The following DGKI variants were observed in gnomAD, a reference collection of about 807,000 sequenced individuals.
DGKI encodes DAG kinase iota.
In DGKI, 55 loss-of-function variants were observed where a neutral mutation model predicts 147.5. That is an observed-to-expected ratio of 0.37 (90% CI 0.30 to 0.47). DGKI has a LOEUF of 0.47. Ranked by LOEUF, DGKI falls within the 20% of genes least tolerant of loss-of-function variation. The pLI, the probability that DGKI is intolerant of heterozygous loss-of-function variation, is 1.00. For missense variants in DGKI, 1,007 were observed against 1,323.8 expected (o/e 0.76, Z 3.71); for synonymous variants, 469 against 477.1 (o/e 0.98, Z 0.22).
intron 6 of DGKI, among the ~76,000 whole-genome samples, chr7:137,627,213 C>T (rs373644730): frequency 6.6e-6 from 1 of 152,112 alleles, no homozygotes; most frequent in South Asian, 2.1e-4. Flanking sequence ...CCAAAATAAC[C>T]TCAACTCACT....
In DGKI at chr7:137,465,915, C is replaced by A; in HGVS notation, c.2605G>T (p.Ala869Ser). The A allele has an allele frequency of 6.2e-7, 1 of 1,613,890 alleles. No homozygotes were observed. Among genetic ancestry groups the A allele is most frequent in the Non-Finnish European group, 8.5e-7 (1 of 1,179,900 alleles). The change falls in exon 26 of 33, where the codon GCC (alanine) becomes TCC (serine). Residue 869 changes from alanine to serine, a missense_variant. Ala to Ser is a moderately conservative substitution (Grantham distance 99). Coordinates refer to ENST00000614521, the MANE Select transcript of DGKI (RefSeq NM_001321708.2). ...PGMPDLVVEQ[A>S]SGISDWWNPA... ...CAGGAGAAGCACACTCACCCCGAGGCTTGTTCCACCACCAGGTCAGGCATG... is the reference window on the plus strand; with the variant it reads ...CAGGAGAAGCACACTCACCCCGAGGATTGTTCCACCACCAGGTCAGGCATG...
intron 1 of DGKI, among the ~76,000 whole-genome samples, chr7:137,693,297 C>T (rs932707977): frequency 6.6e-6 from 1 of 152,112 alleles, no homozygotes; most frequent in Admixed American, 6.5e-5. Context: ...TCAGAATCCT[C>T]TCAAGCCCAC....
At chr7:137,696,936 G>A (rs543971896) in intron 1 of DGKI, among the ~76,000 whole-genome samples, 1 of 152,242 alleles carries the variant, frequency 6.6e-6, no homozygotes, top group East Asian at 1.9e-4. Flanking sequence ...CACACACATA[G>A]GGAGAAAGCC....
chr7:137,675,514 G>A (rs935917488), intron 3 of DGKI, among the ~76,000 whole-genome samples: 23 of 151,748 alleles, frequency 1.5e-4, no homozygotes, highest in Non-Finnish European at 4.4e-5. Flanking sequence ...GTGAAACCCC[G>A]TCTCTACTAA....
chr7:137,485,508 A>C lies in DGKI; in HGVS notation c.2329-90T>G, dbSNP rs1034531070. On this transcript the variant is annotated intron_variant, in intron 22 of 32. Coordinates refer to ENST00000614521, the MANE Select transcript of DGKI (RefSeq NM_001321708.2). ...TCAATCTCAACTGAACTCCCAATTT[A>C]ATATTACTATGCTCATCTGGAAAGT... 4 of 949,482 alleles carry C rather than the reference A, an allele frequency of 4.2e-6. No homozygotes were observed. In the African/African-American group the frequency reaches 5.0e-5, roughly 12 times the overall value. The allele number at this position is 949,482 out of a possible 1,614,324, so 58.8% of individuals were successfully genotyped here. A position where few individuals can be genotyped will look rare whatever the true frequency, so the allele number is the denominator to read the frequency against.
At chr7:137,746,808 T>C (rs371876593) in intron 1 of DGKI, among the ~76,000 whole-genome samples, 2 of 152,094 alleles carry the variant, frequency 1.3e-5, no homozygotes, top group Non-Finnish European at 2.9e-5. Flanking sequence ...GACTTTAATA[T>C]GTTCTCATCA....
intron 6 of DGKI, among the ~76,000 whole-genome samples, chr7:137,641,312 C>T (rs544760716): frequency 2.6e-5 from 4 of 152,162 alleles, no homozygotes; most frequent in Admixed American, 2.6e-4. Context: ...ACGAAAACAG[C>T]CTAATACAGG....
chr7:137,422,019 A>T (rs751021406), intron 28 of DGKI, among the ~76,000 whole-genome samples: 44 of 152,358 alleles, frequency 2.9e-4, no homozygotes, highest in Non-Finnish European at 5.4e-4. Context: ...TGCATCTAGT[A>T]AACACAGCAA....
At chr7:137,779,239 C>T (rs1370905184) in intron 1 of DGKI, among the ~76,000 whole-genome samples, 1 of 151,770 alleles carries the variant, frequency 6.6e-6, no homozygotes, top group African/African-American at 2.4e-5. Context: ...ATAAAGCAAG[C>T]AATAATTTCA....
In DGKI at chr7:137,577,163, G is replaced by A. The variant is rs750146090; in HGVS notation, c.1761+59C>T. Reference sequence around the variant, plus strand: ...CAATATATAAACTAAGTATTTGGGAGTTTTTTGTGGCAGTCATATCATATT... The same window carrying A: ...CAATATATAAACTAAGTATTTGGGAATTTTTTGTGGCAGTCATATCATATT... On this transcript the variant is annotated intron_variant, in intron 17 of 32. Coordinates refer to ENST00000614521, the MANE Select transcript of DGKI (RefSeq NM_001321708.2). 9.9e-5 allele frequency: 124 copies of A among 1,256,666 alleles called. 2 individuals carry two copies. The highest frequency in any genetic ancestry group is 4.0e-4 in the Admixed American group (20 of 50,548). 77.8% of individuals were successfully genotyped at this position (1,256,666 alleles called of 1,614,324 possible).
At position 137,656,632 on chromosome 7, in the gene DGKI, C is replaced by T. The variant is rs1208816054; in HGVS notation, c.607-92G>A. 6.3e-6 allele frequency: 7 copies of T among 1,105,992 alleles called. 1 individual carries two copies. The highest frequency in any genetic ancestry group is 2.5e-4 in the Middle Eastern group (1 of 4,032). 68.5% of individuals were successfully genotyped at this position (1,105,992 alleles called of 1,614,324 possible). A position where few individuals can be genotyped will look rare whatever the true frequency, so the allele number is the denominator to read the frequency against. The stretch of plus-strand genomic sequence containing the variant: ...TTAAAGTGGGCATATATAATAAATA[C>T]ATAAATACAGCAAACATTGTAATTA... On this transcript the variant is annotated intron_variant, in intron 3 of 32. Transcript: ENST00000614521.
At chr7:137,567,571 C>A (rs1818631713) in intron 19 of DGKI, among the ~76,000 whole-genome samples, 1 of 152,038 alleles carries the variant, frequency 6.6e-6, no homozygotes, top group South Asian at 2.1e-4. Context: ...CCAGTTTCTT[C>A]AATAAATAAA....
In DGKI at chr7:137,621,887, C is replaced by T. The variant is rs374995280; in HGVS notation, c.876+1596G>A. Among the ~76,000 whole-genome samples the T allele has an allele frequency of 2.6e-4, 39 of 152,322 alleles. 2 individuals are homozygous for T. In the South Asian group the frequency reaches 6.6e-3, roughly 26 times the overall value. On this transcript the variant is annotated intron_variant, in intron 7 of 32. Transcript: ENST00000614521. ...TCTGAGCACACCGCTGCCCAGAAGG[C>T]TGCCCCACCAGTGGGGTCTCACCAG...
At chr7:137,810,626 C>G (rs568546671) in intron 1 of DGKI, among the ~76,000 whole-genome samples, 1 of 152,172 alleles carries the variant, frequency 6.6e-6, no homozygotes, top group African/African-American at 2.4e-5. Context: ...GTTAAAATAA[C>G]AGCAGTTTAT....
intron 9 of DGKI, 54 bp downstream of exon 9, chr7:137,609,481 T>A (rs1314054600): frequency 2.0e-5 from 28 of 1,385,108 alleles, no homozygotes; most frequent in Non-Finnish European, 2.5e-5. Flanking sequence ...TAGGACAGAG[T>A]AGACTATGGA....
intron 5 of DGKI, among the ~76,000 whole-genome samples, chr7:137,650,875 C>T (rs759510130): frequency 2.0e-5 from 3 of 152,148 alleles, no homozygotes; most frequent in Admixed American, 6.5e-5. Context: ...GAAACAGTCA[C>T]GCAAAGAGAT....
At chr7:137,806,337 A>T (rs932275687) in intron 1 of DGKI, among the ~76,000 whole-genome samples, 4 of 152,254 alleles carry the variant, frequency 2.6e-5, no homozygotes, top group Admixed American at 2.6e-4. Context: ...AAGTTACACA[A>T]CAGCTTAAGT....
chr7:137,486,925 A>G (rs1479143313), intron 22 of DGKI, among the ~76,000 whole-genome samples: 1 of 152,100 alleles, frequency 6.6e-6, no homozygotes, highest in East Asian at 1.9e-4. Flanking sequence ...AAAAAATGAT[A>G]AAGAAATCGT....
In DGKI at chr7:137,381,883, A is replaced by G. The variant is rs1169816592; in HGVS notation, c.*9337T>C. 2 of 152,092 alleles carry G rather than the reference A, an allele frequency of 1.3e-5. No individual in the cohort carries two copies. Among genetic ancestry groups the G allele is most frequent in the African/African-American group, 4.8e-5 (2 of 41,436 alleles). The allele number at this position is 152,092 out of a possible 1,614,324, so 9.4% of individuals were successfully genotyped here. On this transcript the variant is annotated 3_prime_UTR_variant, in exon 33 of 33. Transcript: ENST00000614521. ...GATGGCAAGAATCCAAACTTTCCCA[A>G]CTTATAATCGGTAAGTCAGGGAGAG...
Sources: allele counts gnomAD v4.1 joint callset (sites outside exome capture counted in the v4.1 genomes callset), GRCh38; gene constraint gnomAD v4.1.1; transcripts MANE v1.5; gene names NCBI Gene and HGNC (gene_info 2026-07-23, HGNC 2026-07-21).